EPB41L3: variants seen among roughly 807,000 people sequenced by gnomAD.
The protein encoded by EPB41L3 is band 4.1-like protein 3.
Under a neutral mutation model 127.1 loss-of-function variants are expected in EPB41L3, and 57 were observed. That is an observed-to-expected ratio of 0.45 (90% CI 0.36 to 0.56). The LOEUF (loss-of-function observed/expected upper bound fraction) is 0.56. Ranked by LOEUF, EPB41L3 falls within the 20% of genes least tolerant of loss-of-function variation. The pLI, the probability that EPB41L3 is intolerant of heterozygous loss-of-function variation, is 0.00. For synonymous variants in EPB41L3, 572 were observed against 549.5 expected (o/e 1.04, Z -0.57); for missense variants, 1,273 against 1,372.2 (o/e 0.93, Z 1.14).
At chr18:5,602,076 G>A (rs930013176) in intron 3 of EPB41L3, among the ~76,000 whole-genome samples, 2 of 152,096 alleles carry the variant, frequency 1.3e-5, no homozygotes, top group African/African-American at 4.8e-5. Flanking sequence ...ATGCCTGTCC[G>A]CAGCTTTCAT....
rs143685966 is a variant in EPB41L3, at chr18:5,465,620, T to C, written c.381+12621A>G. Among the ~76,000 whole-genome samples, 225 of 152,276 alleles carry C rather than the reference T, an allele frequency of 1.5e-3. 1 individual carries two copies. Among genetic ancestry groups the C allele is most frequent in the African/African-American group, 5.0e-3 (207 of 41,562 alleles). Reference sequence around the variant, plus strand: ...AGAACCTTTCAAATTTGCCAGCCACTGCAGACCCAAAAAAGGTCCCTGGCA... The same window carrying C: ...AGAACCTTTCAAATTTGCCAGCCACCGCAGACCCAAAAAAGGTCCCTGGCA... On this transcript the variant is annotated intron_variant, in intron 3 of 22. Transcript: ENST00000341928.
At chr18:5,531,134 A>C (rs1161768857) in intron 1 of EPB41L3, among the ~76,000 whole-genome samples, 1 of 152,224 alleles carries the variant, frequency 6.6e-6, no homozygotes, top group Non-Finnish European at 1.5e-5. Context: ...TCTTCACAAT[A>C]GTTCTGAAAA....
At chr18:5,570,528 C>T (rs116276969) in intron 3 of EPB41L3, among the ~76,000 whole-genome samples, 2,259 of 152,222 alleles carry the variant, frequency 0.015, 44 homozygotes, top group African/African-American at 0.047. Context: ...AATTTCTAAA[C>T]AACTGGCTCA....
At chr18:5,525,028 ATCAT>A (rs2093166601) in intron 1 of EPB41L3, among the ~76,000 whole-genome samples, 1 of 152,214 alleles carries the variant, frequency 6.6e-6, no homozygotes, top group Non-Finnish European at 1.5e-5. Context: ...TTCATTTCTA[ATCAT>A]TCATTCGTGG....
At chr18:5,428,283 C>T in intron 9 of EPB41L3, 30 bp downstream of exon 9, 1 of 1,611,180 alleles carries the variant, frequency 6.2e-7, no homozygotes, top group Non-Finnish European at 8.5e-7. Flanking sequence ...TCTTTCCTCC[C>T]AACGCACAGG....
chr18:5,548,091 A>G (rs116218041), upstream of EPB41L3, among the ~76,000 whole-genome samples: 1,014 of 152,300 alleles, frequency 6.7e-3, 15 homozygotes, highest in African/African-American at 0.023. Context: ...TAACTAGTTG[A>G]GGTTTATTTT....
At chr18:5,501,855 A>G (rs1402014889) in intron 1 of EPB41L3, among the ~76,000 whole-genome samples, 2 of 152,222 alleles carry the variant, frequency 1.3e-5, no homozygotes, top group Non-Finnish European at 2.9e-5. Context: ...TCCCTGGCAC[A>G]CAAATGAGTC....
chr18:5,628,890 GC>G (rs1272412268), intron 1 of EPB41L3: 4 of 151,878 alleles, frequency 2.6e-5, no homozygotes, highest in Non-Finnish European at 5.9e-5. Flanking sequence ...CGCCCGGGGC[GC>G]CCTCCCGCAG....
chr18:5,541,031 G>C (rs28378708), intron 1 of EPB41L3, among the ~76,000 whole-genome samples: 29,208 of 145,634 alleles, frequency 0.2, 3,249 homozygotes, highest in African/African-American at 0.3. Context: ...CTTGCAGTGA[G>C]CCGAGATCGC....
chr18:5,561,508 T>TA (rs1195075699), intron 3 of EPB41L3, among the ~76,000 whole-genome samples: 1 of 151,788 alleles, frequency 6.6e-6, no homozygotes, highest in Non-Finnish European at 1.5e-5. Flanking sequence ...TCCATACTCC[T>TA]AAAAATAAAT....
At chr18:5,399,172 T>C (rs1208981988) in intron 16 of EPB41L3, 4 of 398,864 alleles carry the variant, frequency 1.0e-5, no homozygotes, top group African/African-American at 4.1e-5. Flanking sequence ...TTTCCTAGAG[T>C]GTATATTTTC....
intron 1 of EPB41L3, among the ~76,000 whole-genome samples, chr18:5,529,667 G>A (rs2093347886): frequency 6.6e-6 from 1 of 152,060 alleles, no homozygotes; most frequent in Non-Finnish European, 1.5e-5. Context: ...AAATCACATT[G>A]CCCCAGCTCC....
At chr18:5,516,550 CA>C (rs1259644024) in intron 1 of EPB41L3, among the ~76,000 whole-genome samples, 1 of 152,196 alleles carries the variant, frequency 6.6e-6, no homozygotes, top group Non-Finnish European at 1.5e-5. Context: ...CCGCTGAAGG[CA>C]AAAATGTTAA....
intron 3 of EPB41L3, among the ~76,000 whole-genome samples, chr18:5,470,978 C>T (rs2086036658): frequency 6.6e-6 from 1 of 152,134 alleles, no homozygotes; most frequent in Admixed American, 6.5e-5. Flanking sequence ...TGGGAAGCTT[C>T]CTTTTCTCCC....
Position 5,478,451 on chromosome 18 carries a change from A to C in EPB41L3, c.184-13T>G. The C allele has an allele frequency of 6.2e-7, 1 of 1,613,426 alleles. No individual in the cohort carries two copies. Among genetic ancestry groups the C allele is most frequent in the East Asian group, 2.2e-5 (1 of 44,870 alleles). On this transcript the variant is annotated splice_polypyrimidine_tract_variant and intron_variant, in intron 2 of 22. Coordinates refer to ENST00000341928, the MANE Select transcript of EPB41L3 (RefSeq NM_012307.5). ...CCTTGTCAGTGACCTGTGAAGAGCA[A>C]ACAATCAACAGTTTTCATTGCAAGG...
chr18:5,527,118 C>G (rs1436377260), intron 1 of EPB41L3, among the ~76,000 whole-genome samples: 1 of 151,840 alleles, frequency 6.6e-6, no homozygotes, highest in African/African-American at 2.4e-5. Context: ...TGGAAGTGTT[C>G]ATTCTTAAGG....
intron 3 of EPB41L3, among the ~76,000 whole-genome samples, chr18:5,588,165 T>C (rs1207505871): frequency 6.6e-6 from 1 of 152,146 alleles, no homozygotes; most frequent in Non-Finnish European, 1.5e-5. Context: ...TTCCTGTAAA[T>C]GAGTGCAATA....
At chr18:5,542,276 T>C (rs919716997) in intron 1 of EPB41L3, among the ~76,000 whole-genome samples, 2 of 152,242 alleles carry the variant, frequency 1.3e-5, no homozygotes, top group Non-Finnish European at 2.9e-5. Context: ...TGGGACTACG[T>C]CCATGGCTCA....
At chr18:5,505,678 C>T (rs1472463563) in intron 1 of EPB41L3, among the ~76,000 whole-genome samples, 2 of 140,576 alleles carry the variant, frequency 1.4e-5, no homozygotes, top group African/African-American at 2.7e-5. Context: ...CACCCCTACT[C>T]TCCACTCCTT....
Sources: allele counts gnomAD v4.1 joint callset (sites outside exome capture counted in the v4.1 genomes callset), GRCh38; gene constraint gnomAD v4.1.1; transcripts MANE v1.5; gene names NCBI Gene and HGNC (gene_info 2026-07-23, HGNC 2026-07-21).